THSD7B: variants seen among roughly 807,000 people sequenced by gnomAD.
THSD7B encodes the protein thrombospondin type-1 domain-containing protein 7B.
Under a neutral mutation model 213.6 loss-of-function variants are expected in THSD7B, and 138 were observed. The ratio of observed to expected loss-of-function variants is 0.65; its 90% CI spans 0.56 to 0.74. THSD7B has a LOEUF of 0.74. THSD7B is among the 30% of genes least tolerant of loss of function. THSD7B has a pLI of 0.00. For synonymous variants in THSD7B, 742 were observed against 687.0 expected (o/e 1.08, Z -1.25); for missense variants, 1,931 against 1,991.5 (o/e 0.97, Z 0.58).
At chr2:137,343,009 T>G (rs1684796411) in intron 12 of THSD7B, among the ~76,000 whole-genome samples, 1 of 151,646 alleles carries the variant, frequency 6.6e-6, no homozygotes, top group Admixed American at 6.6e-5. Flanking sequence ...TCTAAAGCCT[T>G]GTCTAACTTT....
chr2:137,084,848 T>C (rs1455058425), intron 3 of THSD7B, among the ~76,000 whole-genome samples: 4 of 152,198 alleles, frequency 2.6e-5, no homozygotes, highest in African/African-American at 9.6e-5. Flanking sequence ...GTTACCACAG[T>C]ATAGCCTATT....
intron 12 of THSD7B, among the ~76,000 whole-genome samples, chr2:137,289,761 G>T (rs1246725544): frequency 6.6e-6 from 1 of 151,844 alleles, no homozygotes; most frequent in Non-Finnish European, 1.5e-5. Context: ...TTCAAAGAGT[G>T]ATGATAGGAC....
intron 14 of THSD7B, among the ~76,000 whole-genome samples, chr2:137,414,498 C>T (rs1330308335): frequency 1.3e-5 from 2 of 151,700 alleles, no homozygotes; most frequent in African/African-American, 4.8e-5. Context: ...GTGGGAGGAT[C>T]GCTTGAGCCC....
chr2:137,574,000 A>T (rs913113936), intron 17 of THSD7B, among the ~76,000 whole-genome samples: 2 of 152,114 alleles, frequency 1.3e-5, no homozygotes, highest in Non-Finnish European at 2.9e-5. Flanking sequence ...TATTATGTTT[A>T]TATTTTAGAA....
intron 17 of THSD7B, among the ~76,000 whole-genome samples, chr2:137,612,064 A>G (rs539243890): frequency 6.6e-6 from 1 of 152,320 alleles, no homozygotes; most frequent in Non-Finnish European, 1.5e-5. Flanking sequence ...GTAATTTACA[A>G]TGATTTCACA....
chr2:137,338,893 T>G (rs1202768003), intron 12 of THSD7B, among the ~76,000 whole-genome samples: 3 of 151,988 alleles, frequency 2.0e-5, no homozygotes, highest in African/African-American at 7.2e-5. Flanking sequence ...GGTTAATTGC[T>G]CTTTAGAGAT....
intron 1 of THSD7B, among the ~76,000 whole-genome samples, chr2:136,878,118 T>A (rs1191246043): frequency 6.6e-6 from 1 of 152,168 alleles, no homozygotes; most frequent in African/African-American, 2.4e-5. Context: ...CTCCTTCCTG[T>A]GTCCAAGTAT....
chr2:137,544,178 G>A (rs78400336), intron 15 of THSD7B, among the ~76,000 whole-genome samples: 25,335 of 151,572 alleles, frequency 0.17, 2,260 homozygotes, highest in South Asian at 0.28. Flanking sequence ...GTTTATAGCA[G>A]CATTAGTCAT....
At chr2:137,577,954 A>G (rs1396488890) in intron 17 of THSD7B, among the ~76,000 whole-genome samples, 1 of 152,208 alleles carries the variant, frequency 6.6e-6, no homozygotes, top group Non-Finnish European at 1.5e-5. Context: ...TTCACATCTA[A>G]AAGTGATGGA....
chr2:136,868,141 C>T (rs906311646), intron 1 of THSD7B, among the ~76,000 whole-genome samples: 13 of 151,608 alleles, frequency 8.6e-5, no homozygotes, highest in African/African-American at 3.2e-4. Flanking sequence ...CACACACACA[C>T]ATCCTTGAAG....
At chr2:137,654,601 C>T (rs190106518) in intron 21 of THSD7B, among the ~76,000 whole-genome samples, 10 of 152,154 alleles carry the variant, frequency 6.6e-5, no homozygotes, top group Admixed American at 1.3e-4. Flanking sequence ...TGGGCAGATT[C>T]GGGGGAGGGC....
At chr2:136,824,383 A>G (rs1372326323) in intron 1 of THSD7B, among the ~76,000 whole-genome samples, 4 of 151,996 alleles carry the variant, frequency 2.6e-5, no homozygotes, top group African/African-American at 9.7e-5. Flanking sequence ...ATTATTTAAT[A>G]TTATCTGAGA....
At chr2:137,133,148 G>A (rs1688772416) in intron 5 of THSD7B, among the ~76,000 whole-genome samples, 1 of 152,112 alleles carries the variant, frequency 6.6e-6, no homozygotes, top group African/African-American at 2.4e-5. Context: ...GAATACCTAG[G>A]AAATCCACTC....
At chr2:137,284,616 T>C (rs909484512) in intron 12 of THSD7B, among the ~76,000 whole-genome samples, 1 of 152,156 alleles carries the variant, frequency 6.6e-6, no homozygotes, top group Non-Finnish European at 1.5e-5. Context: ...TTGTCGTTGG[T>C]TTCAAAGAAC....
At chr2:137,535,692 T>G (rs1162036742) in intron 15 of THSD7B, among the ~76,000 whole-genome samples, 1 of 151,646 alleles carries the variant, frequency 6.6e-6, no homozygotes, top group Non-Finnish European at 1.5e-5. Flanking sequence ...TATATTCAAG[T>G]GAAGGAAGTA....
chr2:137,473,229 T>C (rs1343815449), intron 15 of THSD7B, among the ~76,000 whole-genome samples: 1 of 152,028 alleles, frequency 6.6e-6, no homozygotes. Context: ...TGTTTGTTTG[T>C]TTGCTTGAGA....
intron 3 of THSD7B, among the ~76,000 whole-genome samples, chr2:137,085,835 A>G (rs1687829147): frequency 6.6e-6 from 1 of 152,204 alleles, no homozygotes; most frequent in Non-Finnish European, 1.5e-5. Context: ...TATGAGGGGA[A>G]GGATAAATCA....
At chr2:136,973,914 T>C (rs1307333757) in intron 2 of THSD7B, among the ~76,000 whole-genome samples, 1 of 152,230 alleles carries the variant, frequency 6.6e-6, no homozygotes, top group Non-Finnish European at 1.5e-5. Flanking sequence ...TATCATGCGA[T>C]AATGCATTGT....
intron 4 of THSD7B, among the ~76,000 whole-genome samples, chr2:137,112,771 A>ATGTGTG (rs1381258018): frequency 2.3e-5 from 2 of 88,236 alleles, no homozygotes; most frequent in Non-Finnish European, 5.8e-5. Flanking sequence ...ATGTTAATGT[A>ATGTGTG]CGTGTGTGTG....
Sources: allele counts gnomAD v4.1 joint callset (sites outside exome capture counted in the v4.1 genomes callset), GRCh38; gene constraint gnomAD v4.1.1; transcripts MANE v1.5; gene names NCBI Gene and HGNC (gene_info 2026-07-23, HGNC 2026-07-21).